The following SETD2 variants were observed in gnomAD, a reference collection of about 807,000 sequenced individuals.
SETD2 encodes the protein histone-lysine N-methyltransferase SETD2.
In SETD2, 31 loss-of-function variants were observed where a neutral mutation model predicts 242.1. The ratio of observed to expected loss-of-function variants is 0.13; its 90% confidence interval spans 0.10 to 0.17. The LOEUF is 0.17. Among genes scored for constraint, SETD2 ranks in the 10% least tolerant of loss-of-function variants. SETD2 has a pLI of 1.00. For missense variants in SETD2, 2,481 were observed against 3,046.3 expected, an observed-to-expected ratio of 0.81 and a Z score of 4.37; for synonymous variants, 1,006 against 1,066.5, an observed-to-expected ratio of 0.94 and a Z score of 1.11.
At chr3:47,129,513 A>T (rs1347782183) in intron 1 of SETD2, among the ~76,000 whole-genome samples, 1 of 152,202 alleles carries the variant, frequency 6.6e-6, no homozygotes, top group Non-Finnish European at 1.5e-5. Context: ...CTCATGATAG[A>T]GCTGGTGAGC....
intron 1 of SETD2, among the ~76,000 whole-genome samples, chr3:47,158,640 G>A (rs1057361527): frequency 6.6e-6 from 1 of 152,184 alleles, no homozygotes; most frequent in African/African-American, 2.4e-5. Context: ...AACAAAGTAT[G>A]TGTTAGTAGA....
chr3:47,104,306 T>A (rs1007465330), intron 6 of SETD2, among the ~76,000 whole-genome samples: 7 of 152,008 alleles, frequency 4.6e-5, no homozygotes, highest in Admixed American at 3.3e-4. Flanking sequence ...CTTTGGGAAG[T>A]TGAGGCAGGA....
intron 1 of SETD2, among the ~76,000 whole-genome samples, chr3:47,133,111 C>CATATATATACATAT (rs1225239579): frequency 6.6e-6 from 1 of 151,898 alleles, no homozygotes; most frequent in African/African-American, 2.4e-5. Context: ...ATGATGTATA[C>CATATATATACATAT]ATATATGTAT....
At chr3:47,161,603 C>A (rs1465041120) in intron 1 of SETD2, among the ~76,000 whole-genome samples, 2 of 152,052 alleles carry the variant, frequency 1.3e-5, no homozygotes, top group Non-Finnish European at 2.9e-5. Context: ...ACAACAACAA[C>A]AAAAAACATG....
At chr3:47,022,169 C>A (rs966198152) in intron 18 of SETD2, among the ~76,000 whole-genome samples, 2 of 143,530 alleles carry the variant, frequency 1.4e-5, no homozygotes, top group Admixed American at 7.2e-5. Context: ...TGCACTCCAG[C>A]CTGGGAGACA....
intron 1 of SETD2, among the ~76,000 whole-genome samples, chr3:47,148,789 C>T (rs187893737): frequency 2.6e-5 from 4 of 152,234 alleles, no homozygotes; most frequent in Non-Finnish European, 2.9e-5. Context: ...AGGCCAGGCA[C>T]GGTGGCTCAC....
intron 18 of SETD2, among the ~76,000 whole-genome samples, chr3:47,037,325 C>G (rs1398878746): frequency 7.6e-6 from 1 of 131,848 alleles, no homozygotes; most frequent in Non-Finnish European, 1.6e-5. Context: ...TGTTCCCCTT[C>G]CTGTGTCCAT....
chr3:47,067,307 T>C (rs2040598586), intron 12 of SETD2, among the ~76,000 whole-genome samples, 189 bp from the exon 13 acceptor site: 2 of 151,554 alleles, frequency 1.3e-5, no homozygotes, highest in South Asian at 4.2e-4. Context: ...AGAAAAAATA[T>C]ATAGCAGAAA....
At chr3:47,101,614 G>T (rs2042216102) in intron 7 of SETD2, 59 bp from the exon 8 acceptor site, 4 of 820,110 alleles carry the variant, frequency 4.9e-6, no homozygotes, top group Admixed American at 3.9e-5. Flanking sequence ...GTGTGTGTGT[G>T]TGTGTGTGTG....
At chr3:47,092,571 A>G (rs2041849469) in intron 9 of SETD2, among the ~76,000 whole-genome samples, 1 of 150,030 alleles carries the variant, frequency 6.7e-6, no homozygotes, top group Admixed American at 6.7e-5. Context: ...TATTTACTAT[A>G]TATAGTGCAT....
intron 1 of SETD2, among the ~76,000 whole-genome samples, chr3:47,134,255 G>C (rs1246480481): frequency 6.6e-6 from 1 of 152,138 alleles, no homozygotes; most frequent in Admixed American, 6.5e-5. Flanking sequence ...TTGTGGGGGG[G>C]AAAAGTTTGG....
intron 1 of SETD2, among the ~76,000 whole-genome samples, chr3:47,145,971 G>A (rs139427195): frequency 1.5e-5 from 2 of 131,658 alleles, no homozygotes; most frequent in African/African-American, 5.5e-5. Context: ...AGCTATGATG[G>A]TGCCACTGCA....
chr3:47,155,268 T>TCTAAGTAC (rs2044101127), intron 1 of SETD2, among the ~76,000 whole-genome samples: 2 of 152,226 alleles, frequency 1.3e-5, no homozygotes, highest in Admixed American at 1.3e-4. Context: ...GATTACTGTA[T>TCTAAGTAC]ATTGATTATC....
intron 12 of SETD2, 113 bp from the exon 13 acceptor site, chr3:47,067,231 TTA>T: frequency 1.3e-6 from 1 of 799,134 alleles, no homozygotes; most frequent in Non-Finnish European, 2.1e-6. Flanking sequence ...AAGCTGGTAC[TTA>T]TTCTCTAAAA....
At chr3:47,042,724 T>C in intron 16 of SETD2, 24 bp from the exon 17 acceptor site, 1 of 1,577,128 alleles carries the variant, frequency 6.3e-7, no homozygotes, top group Non-Finnish European at 8.6e-7. Flanking sequence ...ACACACATTT[T>C]TGATCAGTGA....
At chr3:47,125,497 G>A (rs2043297239) in intron 2 of SETD2, among the ~76,000 whole-genome samples, 1 of 152,032 alleles carries the variant, frequency 6.6e-6, no homozygotes, top group South Asian at 2.1e-4. Context: ...GCATTACATA[G>A]GCAATTCTAA....
intron 5 of SETD2, among the ~76,000 whole-genome samples, chr3:47,108,377 T>C (rs1245193239): frequency 5.9e-5 from 9 of 152,166 alleles, no homozygotes; most frequent in Admixed American, 6.5e-5. Context: ...ATAAAGCATA[T>C]TGATGTCATC....
Position 47,084,180 on chromosome 3 carries a change from T to G in SETD2, c.5600A>C (p.Glu1867Ala). Residue 1867 changes from glutamate to alanine, a missense_variant, in exon 12 of 21, where the codon GAA becomes GCA. This residue lies in a region of SETD2 where 203 missense variants were observed against 222.4 expected (regional missense o/e 0.91). Coordinates refer to ENST00000409792, the MANE Select transcript of SETD2 (RefSeq NM_014159.7). ...TTTCTTGGGAGTGTCTGTGTCAGCT[T>G]CTGTGCTCAGCTTGGTGGAAGGATC... ...TPDPSTKLST[E>A]ADTDTPKKLM... The G allele has an allele frequency of 6.2e-7, 1 of 1,614,166 alleles. No individual in the cohort carries two copies. The highest frequency in any genetic ancestry group is 8.5e-7 in the Non-Finnish European group (1 of 1,180,020).
At chr3:47,041,789 C>T (rs2039293360) in intron 17 of SETD2, among the ~76,000 whole-genome samples, 1 of 152,084 alleles carries the variant, frequency 6.6e-6, no homozygotes. Flanking sequence ...TACTTTTCTA[C>T]TATATTTGCT....
Sources: allele counts gnomAD v4.1 joint callset (sites outside exome capture counted in the v4.1 genomes callset), GRCh38; gene constraint gnomAD v4.1.1; regional missense constraint gnomAD v4.1.1; transcripts MANE v1.5; gene names NCBI Gene and HGNC (gene_info 2026-07-23, HGNC 2026-07-21).